The following SLC37A3 variants were observed in gnomAD, a reference collection of about 807,000 sequenced individuals.
SLC37A3 encodes the protein solute carrier family 37 member 3, also known as sugar phosphate exchanger 3.
A neutral mutation model predicts 67.1 loss-of-function variants in SLC37A3; 51 were observed. The observed-to-expected ratio is 0.76, with a 90% CI of 0.61 to 0.96. The LOEUF (loss-of-function observed/expected upper bound fraction) is 0.96, where lower values mean the gene tolerates loss of function less well. Ranked by LOEUF, SLC37A3 falls within the 40% of genes least tolerant of loss-of-function variation. SLC37A3 has a pLI of 0.00. For missense variants in SLC37A3, 508 were observed against 603.0 expected (o/e 0.84, Z 1.65); for synonymous variants, 214 against 231.4 (o/e 0.92, Z 0.68).
intron 1 of SLC37A3, among the ~76,000 whole-genome samples, chr7:140,391,465 A>G (rs1444761547): frequency 4.6e-5 from 7 of 152,208 alleles, no homozygotes; most frequent in Non-Finnish European, 1.0e-4. Context: ...CTGAGGCAGG[A>G]GAATCACTTA....
intron 4 of SLC37A3, 102 bp downstream of exon 4, chr7:140,369,488 C>G (rs1797734351): frequency 7.4e-6 from 6 of 810,034 alleles, no homozygotes; most frequent in Non-Finnish European, 3.9e-6. Flanking sequence ...TGAACTCTGC[C>G]TCAGTCAGCA....
At chr7:140,347,758 C>CAG (rs1796621930) in intron 10 of SLC37A3, among the ~76,000 whole-genome samples, 2 of 139,474 alleles carry the variant, frequency 1.4e-5, no homozygotes. Flanking sequence ...CTAGCTACAG[C>CAG]AAAAAAAAAA....
chr7:140,350,473 A>G (rs1171159457), intron 9 of SLC37A3, among the ~76,000 whole-genome samples: 1 of 152,124 alleles, frequency 6.6e-6, no homozygotes, highest in Non-Finnish European at 1.5e-5. Context: ...GGACCCTTTA[A>G]AAGGGGGCAA....
intron 2 of SLC37A3, 88 bp downstream of exon 2, chr7:140,382,350 C>CTTATA (rs1798291254): frequency 9.8e-7 from 1 of 1,023,858 alleles, no homozygotes; most frequent in African/African-American, 1.6e-5. Context: ...AGTGTATGCC[C>CTTATA]ATCAGTGCAT....
At chr7:140,374,325 C>T (rs866647852) in intron 3 of SLC37A3, among the ~76,000 whole-genome samples, 56 of 151,926 alleles carry the variant, frequency 3.7e-4, no homozygotes, top group African/African-American at 1.2e-3. Context: ...GGCAAAACCC[C>T]ATCTCTACCA....
At chr7:140,367,626 G>A (rs530178536) in intron 4 of SLC37A3, among the ~76,000 whole-genome samples, 1 of 151,982 alleles carries the variant, frequency 6.6e-6, no homozygotes, top group Non-Finnish European at 1.5e-5. Flanking sequence ...TTATATGCTG[G>A]GGAGAAAAGG....
At chr7:140,347,610 C>G (rs1796616130) in intron 10 of SLC37A3, among the ~76,000 whole-genome samples, 1 of 152,200 alleles carries the variant, frequency 6.6e-6, no homozygotes, top group African/African-American at 2.4e-5. Context: ...GCAGTTGAGT[C>G]TCACCACAAT....
intron 3 of SLC37A3, among the ~76,000 whole-genome samples, chr7:140,371,234 G>A (rs1444392544): frequency 1.3e-5 from 2 of 152,160 alleles, no homozygotes; most frequent in African/African-American, 2.4e-5. Flanking sequence ...AGAGGGCAGT[G>A]GCACAATCTT....
chr7:140,377,010 C>T (rs956496240), intron 3 of SLC37A3, among the ~76,000 whole-genome samples: 1 of 146,400 alleles, frequency 6.8e-6, no homozygotes, highest in Non-Finnish European at 1.5e-5. Context: ...ATGGCACGAT[C>T]TCGGCTCACT....
chr7:140,380,922 A>C (rs1356771565), intron 2 of SLC37A3, among the ~76,000 whole-genome samples: 2 of 139,032 alleles, frequency 1.4e-5, no homozygotes, highest in Non-Finnish European at 3.1e-5. Context: ...TTTGAGACAG[A>C]GTCTCGCTCT....
intron 1 of SLC37A3, among the ~76,000 whole-genome samples, chr7:140,385,058 T>G (rs1798398421): frequency 6.6e-6 from 1 of 152,240 alleles, no homozygotes; most frequent in African/African-American, 2.4e-5. Flanking sequence ...CCTTACTAGC[T>G]GTTAGCCCCT....
rs377692283 is a variant in SLC37A3 at position 140,377,210 on chromosome 7, GT to G, written c.198+3071del. On this transcript the variant is annotated intron_variant, in intron 3 of 14. Coordinates refer to ENST00000326232, the MANE Select transcript of SLC37A3 (RefSeq NM_207113.3). Reference sequence around the variant, plus strand: ...TATGCCCGCCTCGGCCTCCCAAAGTGTTTTTTTTTTTGTTTTGTTTTTGTTT... The same window carrying G: ...TATGCCCGCCTCGGCCTCCCAAAGTGTTTTTTTTTTGTTTTGTTTTTGTTT... Among the ~76,000 whole-genome samples the G allele has an allele frequency of 4.8e-3, 683 of 142,960 alleles. 4 individuals carry two copies. Among genetic ancestry groups the G allele is most frequent in the African/African-American group, 0.016 (613 of 39,106 alleles). The allele number at this position is 142,960 out of a possible 152,430, so 93.8% of individuals were successfully genotyped here.
At chr7:140,385,881 C>G (rs1397486593) in intron 1 of SLC37A3, among the ~76,000 whole-genome samples, 1 of 152,178 alleles carries the variant, frequency 6.6e-6, no homozygotes, top group African/African-American at 2.4e-5. Context: ...CTCCCAGGTT[C>G]AAGAGATTCT....
chr7:140,357,138 C>T (rs1025599838), intron 6 of SLC37A3, among the ~76,000 whole-genome samples: 8 of 151,984 alleles, frequency 5.3e-5, no homozygotes, highest in Non-Finnish European at 2.9e-5. Flanking sequence ...TGCTTGAACC[C>T]AGGAGGTGGA....
intron 5 of SLC37A3, among the ~76,000 whole-genome samples, chr7:140,363,612 A>T (rs1407841640): frequency 1.5e-5 from 2 of 134,172 alleles, no homozygotes; most frequent in African/African-American, 5.6e-5. Context: ...TCACTTGTTT[A>T]TCTGCTGACC....
In SLC37A3 at chr7:140,334,237, G is replaced by C. The variant is rs574713794; in HGVS notation, c.*1175C>G. ...AAATTACATGATATATTCAACACTC[G>C]ATTATAAAATAGAGTTTGTGTTAGA... On this transcript the variant is annotated 3_prime_UTR_variant, in exon 15 of 15. Transcript: ENST00000326232. 6.6e-6 allele frequency: 1 copy of C among 152,088 alleles called. No homozygotes were observed. The highest frequency in any genetic ancestry group is 1.9e-4 in the East Asian group (1 of 5,186). 9.4% of individuals were successfully genotyped at this position (152,088 alleles called of 1,614,324 possible). A position where few individuals can be genotyped will look rare whatever the true frequency, so the allele number is the denominator to read the frequency against.
chr7:140,385,985 G>A (rs1798432695), intron 1 of SLC37A3, among the ~76,000 whole-genome samples: 1 of 152,156 alleles, frequency 6.6e-6, no homozygotes, highest in African/African-American at 2.4e-5. Context: ...GTTTCACCAT[G>A]TTGGCCAGGC....
At chr7:140,380,091 G>A (rs1260644100) in intron 3 of SLC37A3, 191 bp downstream of exon 3, 5 of 362,710 alleles carry the variant, frequency 1.4e-5, no homozygotes, top group Non-Finnish European at 2.5e-5. Flanking sequence ...GAAACAAGCC[G>A]GCTGGAGAGG....
intron 7 of SLC37A3, among the ~76,000 whole-genome samples, chr7:140,353,060 T>C (rs1796877331): frequency 6.6e-6 from 1 of 152,190 alleles, no homozygotes; most frequent in Admixed American, 6.5e-5. Flanking sequence ...TCACTGACCC[T>C]AACTACACCA....
Sources: allele counts gnomAD v4.1 joint callset (sites outside exome capture counted in the v4.1 genomes callset), GRCh38; gene constraint gnomAD v4.1.1; transcripts MANE v1.5; gene names NCBI Gene and HGNC (gene_info 2026-07-23, HGNC 2026-07-21).